Variants in ADAP2 observed in about 807,000 individuals in gnomAD.
ADAP2 encodes the protein ArfGAP with dual PH domains 2.
In ADAP2, 42 loss-of-function variants were observed where a neutral mutation model predicts 54.9. The ratio of observed to expected loss-of-function variants is 0.77; its 90% CI spans 0.60 to 0.99. The LOEUF (loss-of-function observed/expected upper bound fraction) is 0.99. Among genes scored for constraint, ADAP2 ranks in the 50% least tolerant of loss-of-function variants. The pLI, the probability that ADAP2 is intolerant of heterozygous loss-of-function variation, is 0.00. For missense variants in ADAP2, 429 were observed against 480.4 expected, an observed-to-expected ratio of 0.89 and a Z score of 1.00; for synonymous variants, 177 against 180.1, an observed-to-expected ratio of 0.98 and a Z score of 0.14.
intron 5 of ADAP2, among the ~76,000 whole-genome samples, chr17:30,941,224 G>A (rs968713893): frequency 2.6e-5 from 4 of 152,172 alleles, no homozygotes; most frequent in African/African-American, 9.7e-5. Context: ...GGTATCTGTG[G>A]TGTTAGCTAT....
chr17:30,949,856 C>T (rs1182566759), intron 7 of ADAP2, among the ~76,000 whole-genome samples: 2 of 152,168 alleles, frequency 1.3e-5, no homozygotes, highest in African/African-American at 4.8e-5. Flanking sequence ...AGGCATTCTC[C>T]AGGGGAGCCT....
In ADAP2 at chr17:30,956,483, A is replaced by G; in HGVS notation, c.1111+14A>G. 6.2e-7 allele frequency: 1 copy of G among 1,612,730 alleles called. No individual in the cohort carries two copies. The highest frequency in any genetic ancestry group is 8.5e-7 in the Non-Finnish European group (1 of 1,178,922). On this transcript the variant is annotated intron_variant, in intron 10 of 10. Coordinates refer to ENST00000330889, the MANE Select transcript of ADAP2 (RefSeq NM_018404.3). Reference sequence around the variant, plus strand: ...TCAACCGGCTTAGTAAGAAGCAGGAACTGAGGGGTGTTCTTTTGGACAAGG... The same window carrying G: ...TCAACCGGCTTAGTAAGAAGCAGGAGCTGAGGGGTGTTCTTTTGGACAAGG...
intron 7 of ADAP2, among the ~76,000 whole-genome samples, chr17:30,951,588 G>A (rs1377831897): frequency 1.3e-5 from 2 of 151,472 alleles, no homozygotes; most frequent in Non-Finnish European, 2.9e-5. Context: ...CTCCTACCTC[G>A]GCCTCCCAAA....
At chr17:30,929,896 G>A (rs1911345881) in intron 3 of ADAP2, among the ~76,000 whole-genome samples, 1 of 151,886 alleles carries the variant, frequency 6.6e-6, no homozygotes, top group Non-Finnish European at 1.5e-5. Context: ...TATTTTTGTA[G>A]AGATGAGGTT....
chr17:30,952,552 T>C (rs1904747955), intron 7 of ADAP2, among the ~76,000 whole-genome samples: 4 of 152,108 alleles, frequency 2.6e-5, no homozygotes, highest in Admixed American at 2.6e-4. Context: ...ATTTTTATAT[T>C]TTTGGTAAAG....
At chr17:30,935,780 G>T (rs73989924) in intron 5 of ADAP2, among the ~76,000 whole-genome samples, 9,707 of 152,202 alleles carry the variant, frequency 0.064, 877 homozygotes, top group African/African-American at 0.2. Context: ...AGTGTGTTTG[G>T]TGGGTGTAGG....
intron 5 of ADAP2, among the ~76,000 whole-genome samples, chr17:30,934,705 A>G (rs988643816): frequency 9.2e-5 from 14 of 152,172 alleles, no homozygotes; most frequent in Admixed American, 3.9e-4. Context: ...ACATCAATAT[A>G]TAATATACCA....
chr17:30,957,575 G>A (rs1037816108), intron 10 of ADAP2, among the ~76,000 whole-genome samples: 8 of 151,980 alleles, frequency 5.3e-5, no homozygotes, highest in South Asian at 2.1e-4. Flanking sequence ...CTACAGGCTC[G>A]TGACACCACA....
At chr17:30,927,329 G>A (rs1231672939) in intron 3 of ADAP2, among the ~76,000 whole-genome samples, 1 of 152,084 alleles carries the variant, frequency 6.6e-6, no homozygotes, top group African/African-American at 2.4e-5. Context: ...TATGTCTAGA[G>A]CTGGCCAGGC....
At chr17:30,934,347 C>T (rs577228349) in intron 5 of ADAP2, 50 bp downstream of exon 5, 13 of 1,247,848 alleles carry the variant, frequency 1.0e-5, no homozygotes, top group Admixed American at 3.8e-5. Flanking sequence ...CACTCTCACC[C>T]GACTAAGGTC....
At chr17:30,955,558 T>C (rs921549017) in intron 9 of ADAP2, among the ~76,000 whole-genome samples, 2 of 151,652 alleles carry the variant, frequency 1.3e-5, no homozygotes, top group African/African-American at 4.8e-5. Context: ...AATACAAAAA[T>C]TAGCCGGACG....
chr17:30,954,547 A>G lies in ADAP2; in HGVS notation c.874A>G (p.Asn292Asp). 6.2e-7 allele frequency: 1 copy of G among 1,614,028 alleles called. No individual in the cohort carries two copies. Among genetic ancestry groups the G allele is most frequent in the Non-Finnish European group, 8.5e-7 (1 of 1,179,918 alleles). ...CHERRLLYYK[N>D]PLDAFEQGQV... ...TGAGCGGAGGCTGCTCTATTACAAG[A>G]ACCCACTGGTAAGAGCCACTCCTGC... Residue 292 changes from asparagine to aspartate, a missense_variant, in exon 9 of 11, where the codon AAC (asparagine) becomes GAC (aspartate). Asn to Asp is a conservative substitution (Grantham distance 23). Transcript: ENST00000330889.
chr17:30,928,028 A>G (rs866415434), intron 3 of ADAP2, among the ~76,000 whole-genome samples: 1 of 151,462 alleles, frequency 6.6e-6, no homozygotes, highest in African/African-American at 2.4e-5. Context: ...GCATTAGAAA[A>G]AAAAAAAAAG....
intron 2 of ADAP2, among the ~76,000 whole-genome samples, chr17:30,925,016 G>T (rs954161435): frequency 3.3e-5 from 5 of 151,510 alleles, no homozygotes; most frequent in African/African-American, 1.2e-4. Context: ...AGGATTACAG[G>T]CATGCACCAC....
In ADAP2 at chr17:30,956,096, C is replaced by G. The variant is rs780708531; in HGVS notation, c.883-145C>G. On this transcript the variant is annotated intron_variant, in intron 9 of 10. Transcript: ENST00000330889. Reference sequence around the variant, plus strand: ...GTATGATTTATTTTAGGGTTTTGATCTTTCAAATTCTGGGTCCCACTTAGC... The same window carrying G: ...GTATGATTTATTTTAGGGTTTTGATGTTTCAAATTCTGGGTCCCACTTAGC... 51 of 655,786 alleles carry G rather than the reference C, an allele frequency of 7.8e-5. 1 individual carries two copies. Among genetic ancestry groups the G allele is most frequent in the Middle Eastern group, 4.1e-4 (1 of 2,436 alleles). 40.6% of individuals were successfully genotyped at this position (655,786 alleles called of 1,614,324 possible).
chr17:30,956,553 AC>A, intron 10 of ADAP2, 84 bp downstream of exon 10: 1 of 1,196,302 alleles, frequency 8.4e-7, no homozygotes, highest in Non-Finnish European at 1.2e-6. Context: ...CAGCTTTGAT[AC>A]CACAAAAGAT....
rs561667583 is a variant in ADAP2, at chr17:30,951,531, C to T, written c.742-1757C>T. The stretch of plus-strand genomic sequence containing the variant: ...TTAATTTTTTATAGAGATGATGTCT[C>T]ACTTATGTTGCCCAGGCTGGTCTCG... On this transcript the variant is annotated intron_variant, in intron 7 of 10. Transcript: ENST00000330889. Among the ~76,000 whole-genome samples the T allele has an allele frequency of 3.3e-5, 5 of 152,082 alleles. No individual in the cohort carries two copies. The South Asian group carries it at 1.0e-3, about 32-fold the overall frequency.
chr17:30,935,434 T>G (rs1911802433), intron 5 of ADAP2, among the ~76,000 whole-genome samples: 1 of 150,850 alleles, frequency 6.6e-6, no homozygotes. Context: ...TGTTAGGGAG[T>G]CAGGGAGTGC....
chr17:30,930,021 C>G (rs1335383772), intron 3 of ADAP2, among the ~76,000 whole-genome samples: 1 of 149,236 alleles, frequency 6.7e-6, no homozygotes, highest in East Asian at 2.0e-4. Context: ...CCAGCCTGGA[C>G]TCTTGATTGT....
Sources: gnomAD v4.1 joint callset for allele counts (sites outside exome capture counted in the v4.1 genomes callset) on GRCh38, gnomAD v4.1.1 for gene constraint, MANE v1.5 for transcripts, NCBI Gene and HGNC (gene_info 2026-07-23, HGNC 2026-07-21) for gene names.